PTPRD: variants seen among roughly 807,000 people sequenced by gnomAD.
The protein encoded by PTPRD is receptor-type tyrosine-protein phosphatase delta.
In PTPRD, 34 loss-of-function variants were observed where a neutral mutation model predicts 214.5. The ratio of observed to expected loss-of-function variants is 0.16; its 90% CI spans 0.12 to 0.21. PTPRD has a LOEUF of 0.21. Ranked by LOEUF, PTPRD falls within the 10% of genes least tolerant of loss-of-function variation. PTPRD has a pLI of 1.00. For synonymous variants in PTPRD, 1,128 were observed against 845.7 expected, an observed-to-expected ratio of 1.33 and a Z score of -5.79; for missense variants, 2,545 against 2,398.7, an observed-to-expected ratio of 1.06 and a Z score of -1.27.
chr9:9,629,874 G>T (rs779099075), intron 7 of PTPRD, among the ~76,000 whole-genome samples: 1 of 147,510 alleles, frequency 6.8e-6, no homozygotes, highest in African/African-American at 2.6e-5. Context: ...TGCTTAAGCA[G>T]TGATCTTGGC....
intron 11 of PTPRD, among the ~76,000 whole-genome samples, chr9:8,864,108 A>G (rs925737902): frequency 2.0e-5 from 3 of 152,224 alleles, no homozygotes; most frequent in Admixed American, 1.3e-4. Context: ...TGAATCACAG[A>G]TAGTTGTGAG....
At chr9:10,453,158 T>A (rs956398879) in intron 2 of PTPRD, among the ~76,000 whole-genome samples, 1 of 151,710 alleles carries the variant, frequency 6.6e-6, no homozygotes, top group African/African-American at 2.4e-5. Context: ...TGTCTCCATA[T>A]TCTGTTCTTT....
intron 8 of PTPRD, among the ~76,000 whole-genome samples, chr9:9,471,053 G>A (rs867194606): frequency 6.6e-6 from 1 of 152,066 alleles, no homozygotes; most frequent in African/African-American, 2.4e-5. Context: ...CAGGTCTTGG[G>A]GTCTAACAGA....
Position 9,000,278 on chromosome 9 carries a change from A to G in PTPRD, c.-104+18419T>C, listed in dbSNP as rs188228615. On this transcript the variant is annotated intron_variant, in intron 11 of 45. Transcript: ENST00000381196. ...TACCCATAAAGGTCTTTAATTAGGT[A>G]ATCTCCAAATAGCAACAGCACCATC... Among the ~76,000 whole-genome samples, 45 of 152,144 alleles carry G rather than the reference A, an allele frequency of 3.0e-4. 1 individual carries two copies. The highest frequency in any genetic ancestry group is 1.0e-3 in the African/African-American group (42 of 41,532).
chr9:8,889,292 A>G (rs966969693), intron 11 of PTPRD, among the ~76,000 whole-genome samples: 12 of 152,104 alleles, frequency 7.9e-5, no homozygotes, highest in Admixed American at 7.2e-4. Context: ...AGAGAAAGAG[A>G]GAGAAATTGC....
intron 9 of PTPRD, among the ~76,000 whole-genome samples, chr9:9,360,194 T>C (rs1427161561): frequency 6.6e-6 from 1 of 151,140 alleles, no homozygotes; most frequent in East Asian, 1.9e-4. Flanking sequence ...ATTTTTCATT[T>C]TGAGCATTGG....
intron 11 of PTPRD, among the ~76,000 whole-genome samples, chr9:8,749,136 A>T (rs2093242565): frequency 1.3e-5 from 2 of 152,166 alleles, no homozygotes; most frequent in Admixed American, 1.3e-4. Flanking sequence ...CCTAGGCCAT[A>T]TAAATAATTA....
At chr9:8,594,444 C>A (rs986734367) in intron 14 of PTPRD, among the ~76,000 whole-genome samples, 1 of 152,050 alleles carries the variant, frequency 6.6e-6, no homozygotes, top group Admixed American at 6.6e-5. Flanking sequence ...AATATAAATC[C>A]TGGCAAACAA....
At chr9:8,498,363 C>T (rs2097322913) in intron 25 of PTPRD, among the ~76,000 whole-genome samples, 1 of 152,146 alleles carries the variant, frequency 6.6e-6, no homozygotes, top group Non-Finnish European at 1.5e-5. Context: ...GCAAACTCCA[C>T]CTCCTGGGTT....
intron 3 of PTPRD, among the ~76,000 whole-genome samples, chr9:10,317,322 A>T (rs1374568250): frequency 1.3e-5 from 2 of 152,000 alleles, no homozygotes; most frequent in Non-Finnish European, 2.9e-5. Context: ...TTTTAATGAT[A>T]ATGTGAAACC....
chr9:9,210,370 T>G (rs1370612760), intron 9 of PTPRD, among the ~76,000 whole-genome samples: 1 of 152,226 alleles, frequency 6.6e-6, no homozygotes, highest in Non-Finnish European at 1.5e-5. Flanking sequence ...GTTTTCCACA[T>G]TTGGTTTCAA....
intron 11 of PTPRD, among the ~76,000 whole-genome samples, chr9:8,866,701 C>G (rs2098202435): frequency 6.6e-6 from 1 of 152,162 alleles, no homozygotes; most frequent in African/African-American, 2.4e-5. Context: ...ATCCATATTT[C>G]TTACTCAGCC....
At chr9:8,383,226 A>G (rs547064751) in intron 37 of PTPRD, among the ~76,000 whole-genome samples, 1 of 128,938 alleles carries the variant, frequency 7.8e-6, no homozygotes, top group East Asian at 2.0e-4. Flanking sequence ...CCATAGAACA[A>G]AATGTGAATG....
chr9:8,542,550 T>C (rs2078745554), intron 14 of PTPRD, among the ~76,000 whole-genome samples: 1 of 152,236 alleles, frequency 6.6e-6, no homozygotes, highest in African/African-American at 2.4e-5. Context: ...TTTTCAGTCA[T>C]GTCTTCCCTT....
rs1413955289 is a variant in PTPRD at position 8,319,037 on chromosome 9, TA to T, written c.5670+793del. 3.3e-5 allele frequency among the ~76,000 whole-genome samples: 5 copies of T among 152,234 alleles called. No homozygotes were observed. The South Asian group carries it at 1.0e-3, about 32-fold the overall frequency. On this transcript the variant is annotated intron_variant, in intron 45 of 45. Coordinates refer to ENST00000381196, the MANE Select transcript of PTPRD (RefSeq NM_002839.4). ...TGCTTGGCTGAGTGTTAAGGCTTTT[TA>T]AATGTCCAATTTCCCTCTGTAACCC... is the stretch of plus-strand genomic sequence containing the variant.
intron 2 of PTPRD, among the ~76,000 whole-genome samples, chr9:10,602,542 A>G (rs1460598697): frequency 1.3e-5 from 2 of 151,832 alleles, no homozygotes; most frequent in Non-Finnish European, 2.9e-5. Flanking sequence ...AGATATAAGA[A>G]CAGTGATCAA....
At chr9:10,366,515 A>G (rs1006442348) in intron 2 of PTPRD, among the ~76,000 whole-genome samples, 7 of 152,194 alleles carry the variant, frequency 4.6e-5, no homozygotes, top group Non-Finnish European at 8.8e-5. Context: ...TAAGCAAAAT[A>G]TAGAGATGTA....
intron 14 of PTPRD, among the ~76,000 whole-genome samples, chr9:8,606,897 G>A (rs1334454888): frequency 1.3e-5 from 2 of 152,122 alleles, no homozygotes; most frequent in African/African-American, 2.4e-5. Flanking sequence ...CCAAATTTGG[G>A]CATCTCTCTC....
intron 3 of PTPRD, among the ~76,000 whole-genome samples, chr9:10,224,059 A>G (rs1425506286): frequency 6.6e-6 from 1 of 151,932 alleles, no homozygotes; most frequent in Admixed American, 6.6e-5. Context: ...AATAAGTGAC[A>G]AATCTTCATA....
Sources: allele counts gnomAD v4.1 joint callset (sites outside exome capture counted in the v4.1 genomes callset), GRCh38; gene constraint gnomAD v4.1.1; transcripts MANE v1.5; gene names NCBI Gene and HGNC (gene_info 2026-07-23, HGNC 2026-07-21).